Variants in SLC5A1 observed in about 807,000 individuals in gnomAD.
SLC5A1 encodes sodium/glucose cotransporter 1.
Under a neutral mutation model 73.5 loss-of-function variants are expected in SLC5A1, and 42 were observed. The ratio of observed to expected loss-of-function variants is 0.57; its 90% CI spans 0.45 to 0.74. SLC5A1 has a LOEUF of 0.74. SLC5A1 is among the 30% of genes least tolerant of loss of function. The pLI is 0.00. For synonymous variants in SLC5A1, 300 were observed against 317.4 expected (o/e 0.95, Z 0.58); for missense variants, 634 against 855.4 (o/e 0.74, Z 3.23).
chr22:32,084,698 CCAGGGCCCTA>C (rs1204605663), intron 8 of SLC5A1, 39 bp downstream of exon 8: 14 of 1,578,544 alleles, frequency 8.9e-6, no homozygotes, highest in Non-Finnish European at 9.6e-6. Context: ...AGAGTCTTCT[CCAGGGCCCTA>C]CAGGAACTCC....
intron 2 of SLC5A1, among the ~76,000 whole-genome samples, chr22:32,060,546 C>A (rs1250632369): frequency 6.6e-6 from 1 of 151,998 alleles, no homozygotes; most frequent in African/African-American, 2.4e-5. Context: ...TTGGAGAGAG[C>A]CTCTTTCACT....
intron 2 of SLC5A1, among the ~76,000 whole-genome samples, chr22:32,056,009 T>A (rs1050569050): frequency 1.3e-5 from 2 of 152,170 alleles, no homozygotes; most frequent in African/African-American, 4.8e-5. Flanking sequence ...GGCCCAGTAA[T>A]CTGCGTATGT....
intron 5 of SLC5A1, 148 bp from the exon 6 acceptor site, chr22:32,081,717 AC>A (rs1357657773): frequency 2.8e-6 from 2 of 711,098 alleles, no homozygotes; most frequent in African/African-American, 3.5e-5. Context: ...CATTTTATAG[AC>A]CTTTTTGACC....
chr22:32,062,173 C>T (rs1414854117), intron 2 of SLC5A1, among the ~76,000 whole-genome samples: 1 of 152,132 alleles, frequency 6.6e-6, no homozygotes, highest in South Asian at 2.1e-4. Context: ...TGTAAGGTAG[C>T]GAGTTCTCTG....
intron 9 of SLC5A1, among the ~76,000 whole-genome samples, chr22:32,085,655 T>C (rs2094007035): frequency 6.6e-6 from 1 of 151,850 alleles, no homozygotes; most frequent in African/African-American, 2.4e-5. Flanking sequence ...CTGTCATCCT[T>C]CCACCCTGAA....
intron 14 of SLC5A1, among the ~76,000 whole-genome samples, chr22:32,108,722 C>T (rs892456777): frequency 1.3e-5 from 2 of 151,982 alleles, no homozygotes; most frequent in Non-Finnish European, 2.9e-5. Flanking sequence ...TTCATTAGTA[C>T]AATGAAGAAG....
intron 5 of SLC5A1, among the ~76,000 whole-genome samples, chr22:32,081,414 G>C (rs1033698791): frequency 9.9e-5 from 15 of 152,142 alleles, no homozygotes; most frequent in African/African-American, 3.1e-4. Flanking sequence ...TGGGGGTGGG[G>C]TTTCTCACTT....
chr22:32,070,616 G>A (rs897483043), intron 5 of SLC5A1, among the ~76,000 whole-genome samples: 1 of 152,104 alleles, frequency 6.6e-6, no homozygotes, highest in African/African-American at 2.4e-5. Flanking sequence ...TTATAGGCAT[G>A]AGCCACTGCA....
intron 2 of SLC5A1, among the ~76,000 whole-genome samples, chr22:32,064,781 C>T (rs1250006437): frequency 2.6e-5 from 4 of 152,316 alleles, no homozygotes; most frequent in Middle Eastern, 3.4e-3. Flanking sequence ...CCACTGTCCC[C>T]TCTCACCTAA....
intron 5 of SLC5A1, among the ~76,000 whole-genome samples, chr22:32,070,674 G>A (rs77034034): frequency 0.045 from 6,805 of 152,076 alleles, 207 homozygotes; most frequent in Non-Finnish European, 0.07. Context: ...CCTTGTAAGT[G>A]TTCAGGTCAA....
chr22:32,112,591 G>T lies in SLC5A1; in HGVS notation c.*2378G>T, dbSNP rs377296675. 1.3e-5 allele frequency: 2 copies of T among 152,256 alleles called. No individual in the cohort carries two copies. The highest frequency in any genetic ancestry group is 1.9e-4 in the East Asian group (1 of 5,192). The allele number at this position is 152,256 out of a possible 1,614,324, so 9.4% of individuals were successfully genotyped here. A position where few individuals can be genotyped will look rare whatever the true frequency, so the allele number is the denominator to read the frequency against. On this transcript the variant is annotated 3_prime_UTR_variant, in exon 15 of 15. Coordinates refer to ENST00000266088, the MANE Select transcript of SLC5A1 (RefSeq NM_000343.4). ...GTTGTGCATATAAACTATTTAATGA[G>T]TACCAAACACAAAAGTCAAGCTTGT... is the stretch of plus-strand genomic sequence containing the variant.
chr22:32,086,419 A>G, intron 10 of SLC5A1, 92 bp downstream of exon 10: 1 of 890,618 alleles, frequency 1.1e-6, no homozygotes, highest in Non-Finnish European at 1.9e-6. Context: ...CTTCTGGGCA[A>G]AGACATTTCT....
intron 2 of SLC5A1, among the ~76,000 whole-genome samples, chr22:32,054,288 T>C (rs2093948759): frequency 6.6e-6 from 1 of 152,274 alleles, no homozygotes; most frequent in African/African-American, 2.4e-5. Flanking sequence ...TGCATGTTGA[T>C]ACCTACTATG....
At chr22:32,064,720 C>A (rs75321866) in intron 2 of SLC5A1, among the ~76,000 whole-genome samples, 1 of 152,096 alleles carries the variant, frequency 6.6e-6, no homozygotes, top group Non-Finnish European at 1.5e-5. Flanking sequence ...AAAACATACT[C>A]CCTAATCTCT....
chr22:32,078,466 C>T (rs1440135727), intron 5 of SLC5A1, among the ~76,000 whole-genome samples: 1 of 151,938 alleles, frequency 6.6e-6, no homozygotes, highest in African/African-American at 2.4e-5. Context: ...CAGGGTTTTA[C>T]CATGTTGGCC....
intron 4 of SLC5A1, 123 bp downstream of exon 4, chr22:32,068,149 T>A: frequency 1.0e-6 from 1 of 954,376 alleles, no homozygotes; most frequent in Non-Finnish European, 1.7e-6. Context: ...TGGCTTTCAC[T>A]CCCAGGTTAT....
chr22:32,091,817 CTG>C, intron 11 of SLC5A1, 55 bp downstream of exon 11: 2 of 1,583,846 alleles, frequency 1.3e-6, no homozygotes, highest in Non-Finnish European at 1.7e-6. Context: ...GAGGTTCCAT[CTG>C]TGTTACCCCT....
intron 10 of SLC5A1, among the ~76,000 whole-genome samples, chr22:32,089,124 C>T (rs2094012835): frequency 6.6e-6 from 1 of 152,190 alleles, no homozygotes; most frequent in African/African-American, 2.4e-5. Flanking sequence ...GCAAAGTAAT[C>T]CTGAACGAAT....
intron 2 of SLC5A1, among the ~76,000 whole-genome samples, chr22:32,063,899 A>G (rs927991050): frequency 1.3e-5 from 2 of 151,924 alleles, no homozygotes; most frequent in African/African-American, 4.8e-5. Flanking sequence ...AAATGAATAG[A>G]ACCTGGGCTC....
Sources: allele counts gnomAD v4.1 joint callset (sites outside exome capture counted in the v4.1 genomes callset), GRCh38; gene constraint gnomAD v4.1.1; transcripts MANE v1.5; gene names NCBI Gene and HGNC (gene_info 2026-07-23, HGNC 2026-07-21).